Variants in C11orf65 observed in about 807,000 individuals in gnomAD.
The protein encoded by C11orf65 is chromosome 11 open reading frame 65.
Under a neutral mutation model 35.3 loss-of-function variants are expected in C11orf65, and 38 were observed. The observed-to-expected ratio is 1.08, with a 90% CI of 0.83 to 1.41. The LOEUF is 1.41. Among genes scored for constraint, C11orf65 ranks in the 40% most tolerant of loss-of-function variants. C11orf65 has a pLI of 0.00. For missense variants in C11orf65, 370 were observed against 367.1 expected (o/e 1.01, Z -0.06); for synonymous variants, 105 against 114.4 (o/e 0.92, Z 0.53).
Position 108,347,384 on chromosome 11 carries a change from G to C in C11orf65, c.227-12092C>G, listed in dbSNP as rs1308810219. The C allele has an allele frequency of 1.3e-6, 2 of 1,530,082 alleles. No individual in the cohort carries two copies. Among genetic ancestry groups the C allele is most frequent in the African/African-American group, 2.7e-5 (2 of 73,086 alleles). 94.8% of individuals were successfully genotyped at this position (1,530,082 alleles called of 1,614,324 possible). On this transcript the variant is annotated intron_variant, in intron 2 of 3. Transcript: ENST00000524755. ...GATCTAGGTAAGTAATAAAATCTAT[G>C]TATCTATTCTTTTTAGTAAATATTT...
At chr11:108,429,774 T>C (rs1045985723) in intron 3 of C11orf65, among the ~76,000 whole-genome samples, 40 of 152,152 alleles carry the variant, frequency 2.6e-4, no homozygotes, top group African/African-American at 9.2e-4. Context: ...ACAAGTACAA[T>C]GTAGTATATA....
At chr11:108,355,903 G>A (rs775962537) in intron 2 of C11orf65, 26 of 152,166 alleles carry the variant, frequency 1.7e-4, no homozygotes, top group Non-Finnish European at 2.5e-4. Flanking sequence ...TTTATGAACC[G>A]AGGCATCTTT....
intron 2 of C11orf65, among the ~76,000 whole-genome samples, chr11:108,454,305 T>C (rs1314936651): frequency 6.6e-6 from 1 of 150,826 alleles, no homozygotes; most frequent in African/African-American, 2.4e-5. Flanking sequence ...GAGTCTTCTT[T>C]TTTTTTTTTT....
chr11:108,409,344 T>C (rs1280913833), intron 3 of C11orf65, among the ~76,000 whole-genome samples: 1 of 152,164 alleles, frequency 6.6e-6, no homozygotes, highest in Non-Finnish European at 1.5e-5. Flanking sequence ...TAACAATCAT[T>C]TCTCTTTGTT....
chr11:108,320,131 CA>C lies in C11orf65; in HGVS notation c.641-11061del, dbSNP rs3218683. 7,075 of 1,168,174 alleles carry C rather than the reference CA, an allele frequency of 6.1e-3. 25 individuals carry two copies. Among genetic ancestry groups the C allele is most frequent in the African/African-American group, 7.7e-3 (503 of 65,684 alleles). 72.4% of individuals were successfully genotyped at this position (1,168,174 alleles called of 1,614,324 possible). A position where few individuals can be genotyped will look rare whatever the true frequency, so the allele number is the denominator to read the frequency against. ...GCTTCTTTTCTGAAAACTTGAGAAA[CA>C]ATTTTAATGTAAGGATTTGCATTGA... On this transcript the variant is annotated intron_variant, in intron 6 of 6. Coordinates refer to the C11orf65 transcript ENST00000525729.
In C11orf65 at chr11:108,365,173, A is replaced by G. The variant is rs750441954; in HGVS notation, c.226+28035T>C. 4 of 1,614,194 alleles carry G rather than the reference A, an allele frequency of 2.5e-6. No homozygotes were observed. Among genetic ancestry groups the G allele is most frequent in the East Asian group, 2.2e-5 (1 of 44,886 alleles). ...AGGCCGGAAGATGAAACTGAGCTTC[A>G]CCCTACTCTGAATGCAGATGACCAA... is the stretch of plus-strand genomic sequence containing the variant. On this transcript the variant is annotated intron_variant, in intron 2 of 3. Coordinates refer to the C11orf65 transcript ENST00000524755.
intron 3 of C11orf65, among the ~76,000 whole-genome samples, chr11:108,408,709 A>AAAAT (rs1565660050): frequency 2.2e-5 from 3 of 134,720 alleles, no homozygotes; most frequent in African/African-American, 8.1e-5. Context: ...AAAATAAAAT[A>AAAAT]AAATAAAATA....
chr11:108,326,066 A>T (rs1555119726), intron 6 of C11orf65: 1 of 1,614,116 alleles, frequency 6.2e-7, no homozygotes, highest in South Asian at 1.1e-5. Flanking sequence ...AGCTCCCTGA[A>T]AGGGCAATAT....
At chr11:108,388,383 A>G (rs1226012615) in intron 7 of C11orf65, among the ~76,000 whole-genome samples, 2 of 152,200 alleles carry the variant, frequency 1.3e-5, no homozygotes, top group African/African-American at 4.8e-5. Context: ...TGTTTATATC[A>G]CAGAGCTCAT....
intron 2 of C11orf65, among the ~76,000 whole-genome samples, chr11:108,375,034 G>A (rs944838490): frequency 5.3e-5 from 8 of 152,210 alleles, no homozygotes; most frequent in African/African-American, 1.9e-4. Flanking sequence ...AAGTGATGGG[G>A]AGAATGGAAC....
chr11:108,348,508 T>C (rs547055661), intron 2 of C11orf65, among the ~76,000 whole-genome samples: 1 of 151,828 alleles, frequency 6.6e-6, no homozygotes, highest in African/African-American at 2.4e-5. Flanking sequence ...TTAGTTTTGC[T>C]CATTATTTTG....
At chr11:108,425,296 TA>T (rs1472733582) in intron 3 of C11orf65, among the ~76,000 whole-genome samples, 2 of 151,836 alleles carry the variant, frequency 1.3e-5, no homozygotes, top group Non-Finnish European at 2.9e-5. Flanking sequence ...ATAGATACAA[TA>T]AAAAATGATA....
At chr11:108,408,620 GAGCA>G (rs2092590614) in intron 3 of C11orf65, among the ~76,000 whole-genome samples, 1 of 148,832 alleles carries the variant, frequency 6.7e-6, no homozygotes, top group Non-Finnish European at 1.5e-5. Flanking sequence ...AGGCTTCAGT[GAGCA>G]GAGATTGCAC....
chr11:108,458,968 C>T (rs1436162570), intron 2 of C11orf65, among the ~76,000 whole-genome samples: 1 of 152,174 alleles, frequency 6.6e-6, no homozygotes, highest in Non-Finnish European at 1.5e-5. Flanking sequence ...GTCAGTTTTT[C>T]TAGGCGCTAG....
At chr11:108,468,046 G>T (rs192021709), upstream of C11orf65, among the ~76,000 whole-genome samples, 3 of 151,980 alleles carry the variant, frequency 2.0e-5, no homozygotes, top group Non-Finnish European at 1.5e-5. Flanking sequence ...TGTCCAGGCT[G>T]GTCTTGAACT....
At chr11:108,336,832 C>CT (rs2086910213) in intron 2 of C11orf65, among the ~76,000 whole-genome samples, 1 of 152,298 alleles carries the variant, frequency 6.6e-6, no homozygotes, top group East Asian at 1.9e-4. Context: ...AGCTGATCAT[C>CT]TTTGACTCTT....
intron 2 of C11orf65, among the ~76,000 whole-genome samples, chr11:108,339,072 T>G (rs952997231): frequency 6.6e-6 from 1 of 152,210 alleles, no homozygotes; most frequent in Admixed American, 6.5e-5. Context: ...ATGCCAGATA[T>G]CTCTTGTCAG....
intron 3 of C11orf65, among the ~76,000 whole-genome samples, chr11:108,409,766 T>C (rs910337382): frequency 6.6e-6 from 1 of 152,106 alleles, no homozygotes; most frequent in Non-Finnish European, 1.5e-5. Context: ...GCAGCAACAT[T>C]AGATTCTCAT....
At chr11:108,390,193 T>C (rs975421418) in intron 7 of C11orf65, among the ~76,000 whole-genome samples, 1 of 151,732 alleles carries the variant, frequency 6.6e-6, no homozygotes, top group Non-Finnish European at 1.5e-5. Context: ...GGTGGGTTAA[T>C]TTTTGTATTT....
Sources: allele counts gnomAD v4.1 joint callset (sites outside exome capture counted in the v4.1 genomes callset), GRCh38; gene constraint gnomAD v4.1.1; transcripts MANE v1.5; gene names NCBI Gene and HGNC (gene_info 2026-07-23, HGNC 2026-07-21).